FSTL4: variants seen among roughly 807,000 people sequenced by gnomAD.
The protein encoded by FSTL4 is follistatin-related protein 4.
In FSTL4, 28 loss-of-function variants were observed where a neutral mutation model predicts 78.2. The ratio of observed to expected loss-of-function variants is 0.36; its 90% CI spans 0.27 to 0.49. The LOEUF (loss-of-function observed/expected upper bound fraction) is 0.49, where lower values mean the gene tolerates loss of function less well. FSTL4 is among the 20% of genes least tolerant of loss of function. FSTL4 has a pLI of 0.98. For synonymous variants in FSTL4, 422 were observed against 440.5 expected, an observed-to-expected ratio of 0.96 and a Z score of 0.53; for missense variants, 922 against 1,084.9, an observed-to-expected ratio of 0.85 and a Z score of 2.11.
At chr5:133,480,586 C>T (rs1758006742) in intron 3 of FSTL4, among the ~76,000 whole-genome samples, 1 of 152,000 alleles carries the variant, frequency 6.6e-6, no homozygotes. Flanking sequence ...GAAGCCGGTT[C>T]TACTTGTGGG....
At chr5:133,550,056 G>A (rs1759661489) in intron 3 of FSTL4, among the ~76,000 whole-genome samples, 1 of 152,124 alleles carries the variant, frequency 6.6e-6, no homozygotes, top group Non-Finnish European at 1.5e-5. Flanking sequence ...AGAGTTCAAG[G>A]TCACCTGCAT....
intron 3 of FSTL4, among the ~76,000 whole-genome samples, chr5:133,406,011 T>A (rs1756354631): frequency 6.6e-6 from 1 of 152,166 alleles, no homozygotes; most frequent in Admixed American, 6.5e-5. Flanking sequence ...GGCACTAACA[T>A]GACAGTGTAG....
chr5:133,536,322 C>T (rs1266670616), intron 3 of FSTL4, among the ~76,000 whole-genome samples: 2 of 152,004 alleles, frequency 1.3e-5, no homozygotes, highest in African/African-American at 4.8e-5. Context: ...AACTGGAAAC[C>T]TACAGTACAT....
chr5:133,653,644 G>A, the FSTL4 span, among the ~76,000 whole-genome samples: 5 of 152,192 alleles, frequency 3.3e-5, no homozygotes, highest in African/African-American at 9.7e-5. Context: ...ATTAATGCAC[G>A]AGGCACTTTG....
At chr5:133,648,305 A>G in the FSTL4 span, among the ~76,000 whole-genome samples, 1 of 152,382 alleles carries the variant, frequency 6.6e-6, no homozygotes, top group East Asian at 1.9e-4. Flanking sequence ...GTGCCAGAGC[A>G]AATGTTCCAA....
chr5:133,579,058 C>G (rs1446116140), intron 2 of FSTL4, among the ~76,000 whole-genome samples: 1 of 152,194 alleles, frequency 6.6e-6, no homozygotes, highest in Non-Finnish European at 1.5e-5. Context: ...CATGTCATTG[C>G]TATTTCCACT....
At chr5:133,768,749 A>C in the FSTL4 span, among the ~76,000 whole-genome samples, 1 of 152,216 alleles carries the variant, frequency 6.6e-6, no homozygotes, top group Non-Finnish European at 1.5e-5. Context: ...GTTACCCTGA[A>C]TTTTCCCTCA....
At chr5:133,788,809 T>C in the FSTL4 span, among the ~76,000 whole-genome samples, 21 of 152,208 alleles carry the variant, frequency 1.4e-4, no homozygotes, top group Non-Finnish European at 2.9e-5. Context: ...GTAAGATTTA[T>C]GCGGTTTCCT....
chr5:133,825,926 C>T, the FSTL4 span, among the ~76,000 whole-genome samples: 1 of 152,232 alleles, frequency 6.6e-6, no homozygotes, highest in South Asian at 2.1e-4. Flanking sequence ...CAGAACCCAT[C>T]CCCGGCTGCT....
intron 2 of FSTL4, among the ~76,000 whole-genome samples, chr5:133,600,606 A>T (rs993409984): frequency 6.6e-6 from 1 of 152,204 alleles, no homozygotes; most frequent in African/African-American, 2.4e-5. Flanking sequence ...ACTCCTTGAA[A>T]CTATTTCCAC....
intron 4 of FSTL4, among the ~76,000 whole-genome samples, chr5:133,327,387 C>T (rs78492981): frequency 1.3e-3 from 193 of 152,302 alleles, no homozygotes; most frequent in African/African-American, 4.4e-3. Flanking sequence ...CCACTGAGCA[C>T]GCTTTGGGAA....
In FSTL4 at chr5:133,199,307, T is replaced by C. The variant is rs1259900548; in HGVS notation, c.2317A>G (p.Met773Val). 1 of 1,614,136 alleles carries C rather than the reference T, an allele frequency of 6.2e-7. No individual in the cohort carries two copies. The highest frequency in any genetic ancestry group is 1.1e-5 in the South Asian group (1 of 91,080). Reference sequence around the variant, plus strand: ...GGTGGCTCCTTTAAGTTCTTCAGCATGCCCACCTTCCCCGTGGACAGCTCC... The same window carrying C: ...GGTGGCTCCTTTAAGTTCTTCAGCACGCCCACCTTCCCCGTGGACAGCTCC... ...FLELSTGKVG[M>V]LKNLKEPPAG... Residue 773 changes from methionine (M) to valine (V), a missense_variant, in exon 16 of 16, where the codon ATG becomes GTG. Coordinates refer to ENST00000265342, the MANE Select transcript of FSTL4 (RefSeq NM_015082.2). This position sits in a 1 kb window ranked among gnomAD's most constrained non-coding sequence, Gnocchi z 4.4.
At chr5:133,816,046 C>T in the FSTL4 span, among the ~76,000 whole-genome samples, 1,656 of 152,306 alleles carry the variant, frequency 0.011, 34 homozygotes, top group African/African-American at 0.037. Flanking sequence ...GGGCTCTGGA[C>T]AGCCAGGGAA....
At chr5:133,814,048 G>A in the FSTL4 span, among the ~76,000 whole-genome samples, 1 of 152,194 alleles carries the variant, frequency 6.6e-6, no homozygotes, top group Non-Finnish European at 1.5e-5. Context: ...CCAGGCAACG[G>A]GGGCTGGGAA....
At chr5:133,658,329 T>C in the FSTL4 span, among the ~76,000 whole-genome samples, 1 of 152,154 alleles carries the variant, frequency 6.6e-6, no homozygotes, top group African/African-American at 2.4e-5. Context: ...GGATGGTTTG[T>C]AGCAACATTT....
Position 133,199,348 on chromosome 5 carries a change from G to A in FSTL4, c.2276C>T (p.Pro759Leu), listed in dbSNP as rs754733164. 1.3e-5 allele frequency: 21 copies of A among 1,613,952 alleles called. No individual in the cohort carries two copies. The highest frequency in any genetic ancestry group is 1.1e-4 in the African/African-American group (8 of 74,894). ...GGACAGCTCCAGGAACAGCAGGTCCGGCTCCGTGTGCAGAGCCGCGTAGAT... is the reference window on the plus strand; with the variant it reads ...GGACAGCTCCAGGAACAGCAGGTCCAGCTCCGTGTGCAGAGCCGCGTAGAT... Reference protein sequence around the residue: ...YNIYAALHTEPDLLFLELSTG... With the variant: ...YNIYAALHTELDLLFLELSTG... The change falls in exon 16 of 16, where the codon CCG becomes CTG. Residue 759 changes from proline (P) to leucine (L), a missense_variant. Pro to Leu is a moderately conservative substitution (Grantham distance 98, BLOSUM62 -3). Coordinates refer to ENST00000265342, the MANE Select transcript of FSTL4 (RefSeq NM_015082.2). This position sits in a 1 kb window ranked among gnomAD's most constrained non-coding sequence, Gnocchi z 4.4.
At chr5:133,488,993 T>C (rs1325245078) in intron 3 of FSTL4, among the ~76,000 whole-genome samples, 1 of 152,064 alleles carries the variant, frequency 6.6e-6, no homozygotes, top group African/African-American at 2.4e-5. Context: ...GGACAGAGGG[T>C]AGGGGTACTG....
At chr5:133,824,402 G>A in the FSTL4 span, among the ~76,000 whole-genome samples, 3 of 152,180 alleles carry the variant, frequency 2.0e-5, no homozygotes, top group African/African-American at 7.2e-5. Context: ...ACAGAACAAG[G>A]CATGTGCCCC....
intron 6 of FSTL4, among the ~76,000 whole-genome samples, chr5:133,298,112 G>T (rs1247462066): frequency 2.2e-4 from 33 of 152,200 alleles, no homozygotes. Flanking sequence ...TGAGAGGTGG[G>T]CAAGTTACTC....
Sources: allele counts gnomAD v4.1 joint callset (sites outside exome capture counted in the v4.1 genomes callset), GRCh38; gene constraint gnomAD v4.1.1; non-coding constraint Gnocchi (gnomAD v3.1); transcripts MANE v1.5; gene names NCBI Gene and HGNC (gene_info 2026-07-23, HGNC 2026-07-21).